UNC5C: variants seen among roughly 807,000 people sequenced by gnomAD.
The protein encoded by UNC5C is netrin receptor UNC5C.
Under a neutral mutation model 99.8 loss-of-function variants are expected in UNC5C, and 47 were observed. The observed-to-expected ratio is 0.47, with a 90% CI of 0.37 to 0.60. The LOEUF is 0.60. Among genes scored for constraint, UNC5C ranks in the 20% least tolerant of loss-of-function variants. The pLI, the probability that UNC5C is intolerant of heterozygous loss-of-function variation, is 0.00. For synonymous variants in UNC5C, 487 were observed against 452.2 expected, an observed-to-expected ratio of 1.08 and a Z score of -0.98; for missense variants, 1,062 against 1,165.9, an observed-to-expected ratio of 0.91 and a Z score of 1.30.
chr4:95,524,051 T>C (rs959645409), intron 1 of UNC5C, among the ~76,000 whole-genome samples: 2 of 152,176 alleles, frequency 1.3e-5, no homozygotes, highest in African/African-American at 4.8e-5. Context: ...CCTTTTTGCA[T>C]AGTGATGATT....
At chr4:95,253,112 T>C (rs1454796365) in intron 4 of UNC5C, among the ~76,000 whole-genome samples, 2 of 152,124 alleles carry the variant, frequency 1.3e-5, no homozygotes, top group African/African-American at 2.4e-5. Flanking sequence ...ACTAGGCTTC[T>C]TTCCTCTCCT....
intron 4 of UNC5C, among the ~76,000 whole-genome samples, chr4:95,277,825 C>T (rs1254928180): frequency 6.6e-6 from 1 of 152,148 alleles, no homozygotes; most frequent in Non-Finnish European, 1.5e-5. Flanking sequence ...ATGTCTATGA[C>T]TTCATCATGG....
chr4:95,492,498 C>T (rs888132812), intron 1 of UNC5C, among the ~76,000 whole-genome samples: 5 of 151,168 alleles, frequency 3.3e-5, no homozygotes, highest in African/African-American at 4.8e-5. Flanking sequence ...ATGATAACCA[C>T]GCATAAAATA....
intron 1 of UNC5C, among the ~76,000 whole-genome samples, chr4:95,474,255 C>T (rs1748062096): frequency 6.6e-6 from 1 of 152,062 alleles, no homozygotes; most frequent in South Asian, 2.1e-4. Context: ...CATACACACA[C>T]ACGTGTGTGA....
chr4:95,351,588 G>A (rs77620115), intron 1 of UNC5C, among the ~76,000 whole-genome samples: 5,723 of 152,172 alleles, frequency 0.038, 150 homozygotes, highest in Non-Finnish European at 0.055. Context: ...GGGAGGCAGA[G>A]GAGGAAGGAT....
intron 1 of UNC5C, among the ~76,000 whole-genome samples, chr4:95,545,198 C>T (rs1447690692): frequency 6.6e-6 from 1 of 152,142 alleles, no homozygotes; most frequent in Non-Finnish European, 1.5e-5. Context: ...TAACTCTTTA[C>T]CCTCAGTATC....
chr4:95,279,502 G>A (rs6532545), intron 3 of UNC5C, among the ~76,000 whole-genome samples: 77,141 of 151,880 alleles, frequency 0.51, 20,675 homozygotes, highest in East Asian at 0.81. Context: ...TTGTTTTAAT[G>A]GTTTGGCTTT....
At chr4:95,333,290 T>G (rs1455674599) in intron 2 of UNC5C, among the ~76,000 whole-genome samples, 1 of 152,134 alleles carries the variant, frequency 6.6e-6, no homozygotes, top group Non-Finnish European at 1.5e-5. Flanking sequence ...ATTGAGGCAT[T>G]ATTCACAATA....
intron 5 of UNC5C, among the ~76,000 whole-genome samples, chr4:95,249,291 G>A (rs1033569925): frequency 2.0e-5 from 3 of 152,150 alleles, no homozygotes; most frequent in Non-Finnish European, 2.9e-5. Context: ...ACTGTACTAT[G>A]AGCCACATAC....
chr4:95,407,342 T>C (rs1201554517), intron 1 of UNC5C, among the ~76,000 whole-genome samples: 1 of 151,796 alleles, frequency 6.6e-6, no homozygotes, highest in Non-Finnish European at 1.5e-5. Flanking sequence ...CTGTGGGGAG[T>C]AAAACATACA....
intron 1 of UNC5C, among the ~76,000 whole-genome samples, chr4:95,438,220 C>T (rs11734169): frequency 0.88 from 134,118 of 152,034 alleles, 59,547 homozygotes; most frequent in Non-Finnish European, 0.93. Context: ...ATGGTGAGGA[C>T]CCTGGACCTG....
At chr4:95,537,431 A>G (rs1722808936) in intron 1 of UNC5C, among the ~76,000 whole-genome samples, 1 of 152,270 alleles carries the variant, frequency 6.6e-6, no homozygotes, top group African/African-American at 2.4e-5. Flanking sequence ...ACAGCCACTG[A>G]TTAATTACTG....
chr4:95,537,331 C>G (rs1055650893), intron 1 of UNC5C, among the ~76,000 whole-genome samples: 1 of 152,126 alleles, frequency 6.6e-6, no homozygotes, highest in Non-Finnish European at 1.5e-5. Context: ...ACTGTTGTTA[C>G]TTGTACAGAG....
intron 1 of UNC5C, among the ~76,000 whole-genome samples, chr4:95,372,128 C>T (rs970667093): frequency 2.6e-5 from 4 of 152,202 alleles, no homozygotes; most frequent in South Asian, 2.1e-4. Flanking sequence ...CTTGAGCTTC[C>T]TAAGAGGAAT....
At chr4:95,465,955 A>G (rs868091723) in intron 1 of UNC5C, among the ~76,000 whole-genome samples, 2 of 152,096 alleles carry the variant, frequency 1.3e-5, no homozygotes, top group African/African-American at 2.4e-5. Context: ...ATCTTACCCT[A>G]TGCTTTCCAA....
intron 1 of UNC5C, among the ~76,000 whole-genome samples, chr4:95,367,747 T>C (rs1744617046): frequency 6.6e-6 from 1 of 152,174 alleles, no homozygotes; most frequent in Admixed American, 6.5e-5. Context: ...ACTTTTCACA[T>C]AGGCTAATTT....
At chr4:95,433,679 T>G (rs1328547202) in intron 1 of UNC5C, among the ~76,000 whole-genome samples, 1 of 152,104 alleles carries the variant, frequency 6.6e-6, no homozygotes, top group Non-Finnish European at 1.5e-5. Flanking sequence ...TTGTTTAGAT[T>G]TTTTTCATGC....
intron 2 of UNC5C, among the ~76,000 whole-genome samples, chr4:95,333,178 C>A (rs1223991365): frequency 6.6e-6 from 1 of 152,104 alleles, no homozygotes; most frequent in African/African-American, 2.4e-5. Context: ...CCTCAGGGAT[C>A]TAGAACTGGA....
intron 4 of UNC5C, among the ~76,000 whole-genome samples, chr4:95,257,551 C>T (rs947665604): frequency 2.6e-5 from 4 of 152,182 alleles, no homozygotes; most frequent in Admixed American, 2.0e-4. Flanking sequence ...GGGCACTCAT[C>T]TTCCATTTCT....
Sources: allele counts gnomAD v4.1 joint callset (sites outside exome capture counted in the v4.1 genomes callset), GRCh38; gene constraint gnomAD v4.1.1; transcripts MANE v1.5; gene names NCBI Gene and HGNC (gene_info 2026-07-23, HGNC 2026-07-21).